Variants in GPR26 observed in about 807,000 individuals in gnomAD.
GPR26 encodes G protein-coupled receptor 26.
In GPR26, 15 loss-of-function variants were observed where a neutral mutation model predicts 23.1. The ratio of observed to expected loss-of-function variants is 0.65; its 90% CI spans 0.43 to 1.00. GPR26 has a LOEUF of 1.00. Ranked by LOEUF, GPR26 falls within the 50% of genes least tolerant of loss-of-function variation. GPR26 has a pLI of 0.00. For missense variants in GPR26, 359 were observed against 470.5 expected (o/e 0.76, Z 2.19); for synonymous variants, 228 against 222.1 (o/e 1.03, Z -0.24).
In GPR26 at chr10:123,697,361, A is replaced by G. The variant is rs1265803676; in HGVS notation, c.*9201A>G. Among the ~76,000 whole-genome samples the G allele has an allele frequency of 2.0e-5, 3 of 152,224 alleles. No homozygotes were observed. Among genetic ancestry groups the G allele is most frequent in the African/African-American group, 7.2e-5 (3 of 41,460 alleles). Reference sequence around the variant, plus strand: ...GATGGTTAATACAGGGAAAAAGTATATATTGTGATTCTGTCCAATAAAGCC... The same window carrying G: ...GATGGTTAATACAGGGAAAAAGTATGTATTGTGATTCTGTCCAATAAAGCC... On this transcript the variant is annotated 3_prime_UTR_variant, in exon 3 of 3. Transcript: ENST00000284674.
At chr10:123,673,804 A>G (rs529522572) in intron 1 of GPR26, among the ~76,000 whole-genome samples, 1 of 152,332 alleles carries the variant, frequency 6.6e-6, no homozygotes, top group South Asian at 2.1e-4. Flanking sequence ...CCTCAGATGT[A>G]AAAGACCAGC....
chr10:123,675,378 GCCA>G (rs1365360272), intron 2 of GPR26, among the ~76,000 whole-genome samples: 3 of 152,136 alleles, frequency 2.0e-5, no homozygotes, highest in Non-Finnish European at 4.4e-5. Context: ...AAAGTCACCT[GCCA>G]CCTGCACAGG....
At chr10:123,685,590 G>C (rs1564733182) in intron 2 of GPR26, among the ~76,000 whole-genome samples, 1 of 152,254 alleles carries the variant, frequency 6.6e-6, no homozygotes, top group East Asian at 1.9e-4. Context: ...ATAAAGGCCA[G>C]ACATTGGCTT....
Position 123,691,194 on chromosome 10 carries a change from G to C in GPR26, c.*3034G>C, listed in dbSNP as rs1160878309. 6.6e-6 allele frequency: 1 copy of C among 152,144 alleles called. No individual in the cohort carries two copies. The highest frequency in any genetic ancestry group is 1.5e-5 in the Non-Finnish European group (1 of 68,038). 9.4% of individuals were successfully genotyped at this position (152,144 alleles called of 1,614,324 possible). ...CCAAAGGGAACGTCCATTTGCATGT[G>C]TGCCCTGGTATTTAGGGTTTGTCTC... On this transcript the variant is annotated 3_prime_UTR_variant, in exon 3 of 3. Transcript: ENST00000284674.
Position 123,689,824 on chromosome 10 carries a change from T to A in GPR26, c.*1664T>A, listed in dbSNP as rs138969506. The A allele has an allele frequency of 6.6e-6, 1 of 152,198 alleles. No homozygotes were observed. The highest frequency in any genetic ancestry group is 6.5e-5 in the Admixed American group (1 of 15,286). The allele number at this position is 152,198 out of a possible 1,614,324, so 9.4% of individuals were successfully genotyped here. A position where few individuals can be genotyped will look rare whatever the true frequency, so the allele number is the denominator to read the frequency against. On this transcript the variant is annotated 3_prime_UTR_variant, in exon 3 of 3. Transcript: ENST00000284674. Reference sequence around the variant, plus strand: ...GTCTTGTCTAGTTTCAAAGTTACCATGGAGACTAGAATGGAGACAGGTGTA... The same window carrying A: ...GTCTTGTCTAGTTTCAAAGTTACCAAGGAGACTAGAATGGAGACAGGTGTA...
In GPR26 at chr10:123,694,936, T is replaced by G. The variant is rs2133936156; in HGVS notation, c.*6776T>G. Among the ~76,000 whole-genome samples, 1 of 152,324 alleles carries G rather than the reference T, an allele frequency of 6.6e-6. No individual in the cohort carries two copies. The highest frequency in any genetic ancestry group is 2.1e-4 in the South Asian group (1 of 4,822). On this transcript the variant is annotated 3_prime_UTR_variant, in exon 3 of 3. Transcript: ENST00000284674. ...CAATATCCTGAAGGGTTCGAATGTTTGTCTTCGGTAGGGAGTGCCACACAT... is the reference window on the plus strand; with the variant it reads ...CAATATCCTGAAGGGTTCGAATGTTGGTCTTCGGTAGGGAGTGCCACACAT...
rs995952200 is a variant in GPR26, at chr10:123,688,249, A to C, written c.*89A>C. Reference sequence around the variant, plus strand: ...TGGGGGCCCCTGGGTGGACACCACCAGCCACCAGTCCCTGGCATGCCCAGT... The same window carrying C: ...TGGGGGCCCCTGGGTGGACACCACCCGCCACCAGTCCCTGGCATGCCCAGT... On this transcript the variant is annotated 3_prime_UTR_variant, in exon 3 of 3. Coordinates refer to ENST00000284674, the MANE Select transcript of GPR26 (RefSeq NM_153442.4). 2 of 795,494 alleles carry C rather than the reference A, an allele frequency of 2.5e-6. No individual in the cohort carries two copies. 49.3% of individuals were successfully genotyped at this position (795,494 alleles called of 1,614,324 possible).
Position 123,681,855 on chromosome 10 carries a change from G to A in GPR26, c.783-6074G>A, listed in dbSNP as rs527826232. On this transcript the variant is annotated intron_variant, in intron 2 of 2. Coordinates refer to ENST00000284674, the MANE Select transcript of GPR26 (RefSeq NM_153442.4). The stretch of plus-strand genomic sequence containing the variant: ...TTAGTGAACACCTGCCAAGCACCTG[G>A]GGCTATCAGTGCATACCTTATTGCA... Among the ~76,000 whole-genome samples, 170 of 152,294 alleles carry A rather than the reference G, an allele frequency of 1.1e-3. 1 individual carries two copies. In the South Asian group the frequency reaches 0.018, roughly 16 times the overall value.
chr10:123,687,819 G>A, intron 2 of GPR26, 110 bp from the exon 3 acceptor site: 1 of 676,968 alleles, frequency 1.5e-6, no homozygotes, highest in Non-Finnish European at 2.6e-6. Context: ...ATAAATTGAG[G>A]GTTGGGCTGC....
chr10:123,686,131 T>C (rs181104767), intron 2 of GPR26, among the ~76,000 whole-genome samples: 13 of 152,354 alleles, frequency 8.5e-5, no homozygotes, highest in African/African-American at 2.9e-4. Context: ...TCTTGCTGGA[T>C]GGTTTGATGA....
intron 2 of GPR26, among the ~76,000 whole-genome samples, chr10:123,687,150 C>G (rs1049475679): frequency 3.3e-5 from 5 of 152,028 alleles, no homozygotes; most frequent in Admixed American, 1.3e-4. Flanking sequence ...TGCCCTCCCC[C>G]AAAGAATGAA....
chr10:123,667,020 C>T lies in GPR26; in HGVS notation c.613C>T (p.Arg205Cys), dbSNP rs1405244525. ...CAAGGTGGCCCGCTTCCATTGCAAG[C>T]GCATCGACGTGATCACCATGCAGAC... is the stretch of plus-strand genomic sequence containing the variant. ...VLKVARFHCKRIDVITMQTLV... is the reference protein window; with the variant it reads ...VLKVARFHCKCIDVITMQTLV... The change falls in exon 1 of 3, where the codon CGC (arginine) becomes TGC (cysteine). Residue 205 changes from arginine (R) to cysteine (C), a missense_variant. Physicochemically the swap from Arg to Cys is radical, Grantham distance 180. Coordinates refer to ENST00000284674, the MANE Select transcript of GPR26 (RefSeq NM_153442.4). 4.3e-6 allele frequency: 7 copies of T among 1,609,980 alleles called. No homozygotes were observed. Among genetic ancestry groups the T allele is most frequent in the Non-Finnish European group, 5.9e-6 (7 of 1,178,402 alleles).
rs145580959 is a variant in GPR26 at position 123,674,941 on chromosome 10, A to G, written c.782+10A>G. On this transcript the variant is annotated intron_variant, in intron 2 of 2. Coordinates refer to ENST00000284674, the MANE Select transcript of GPR26 (RefSeq NM_153442.4). This position sits in a 1 kb window ranked among gnomAD's most constrained non-coding sequence, Gnocchi z 4.1. Reference sequence around the variant, plus strand: ...CCTATGTGATCACCAGGTGAGCCTGATTGGCAGGTGTGTCTTGGGACTTTG... The same window carrying G: ...CCTATGTGATCACCAGGTGAGCCTGGTTGGCAGGTGTGTCTTGGGACTTTG... 337 of 1,542,422 alleles carry G rather than the reference A, an allele frequency of 2.2e-4. 2 individuals carry two copies. In the East Asian group the frequency reaches 6.8e-3, roughly 31 times the overall value.
chr10:123,682,443 A>T (rs372294406), intron 2 of GPR26, among the ~76,000 whole-genome samples: 9 of 152,316 alleles, frequency 5.9e-5, no homozygotes, highest in African/African-American at 2.2e-4. Context: ...CACTCTTAAT[A>T]GAAGTCTGAC....
intron 1 of GPR26, among the ~76,000 whole-genome samples, chr10:123,669,777 G>A (rs956712596): frequency 6.6e-6 from 1 of 152,172 alleles, no homozygotes. Context: ...CAAAATACCC[G>A]GGACCCTCTC....
At chr10:123,671,126 G>T (rs1370515687) in intron 1 of GPR26, among the ~76,000 whole-genome samples, 1 of 152,204 alleles carries the variant, frequency 6.6e-6, no homozygotes, top group Non-Finnish European at 1.5e-5. Flanking sequence ...AATACTCAGA[G>T]CGTGGGCTCT....
chr10:123,671,554 T>A (rs1368464378), intron 1 of GPR26, among the ~76,000 whole-genome samples: 1 of 152,180 alleles, frequency 6.6e-6, no homozygotes, highest in African/African-American at 2.4e-5. Context: ...GCACACATGC[T>A]CGCACTCTGA....
intron 1 of GPR26, among the ~76,000 whole-genome samples, chr10:123,667,817 A>T (rs1845205167): frequency 6.6e-6 from 1 of 151,948 alleles, no homozygotes; most frequent in African/African-American, 2.4e-5. Context: ...GGGCAGATGG[A>T]GCTGGGCAAG....
chr10:123,673,987 C>T (rs888611390), intron 1 of GPR26, among the ~76,000 whole-genome samples: 6 of 151,694 alleles, frequency 4.0e-5, no homozygotes, highest in Middle Eastern at 3.4e-3. Flanking sequence ...GACAAAGTTT[C>T]GCTTTTCTTG....
Sources: gnomAD v4.1 joint callset for allele counts (sites outside exome capture counted in the v4.1 genomes callset) on GRCh38, gnomAD v4.1.1 for gene constraint, Gnocchi (gnomAD v3.1) non-coding constraint, MANE v1.5 for transcripts, NCBI Gene and HGNC (gene_info 2026-07-23, HGNC 2026-07-21) for gene names.